PDIK1L: variants seen among roughly 807,000 people sequenced by gnomAD.
PDIK1L encodes the protein PDLIM1 interacting kinase 1 like, also known as serine/threonine-protein kinase PDIK1L.
A neutral mutation model predicts 27.1 loss-of-function variants in PDIK1L; 9 were observed. The ratio of observed to expected loss-of-function variants is 0.33; its 90% CI spans 0.20 to 0.58. The LOEUF is 0.58. Among genes scored for constraint, PDIK1L ranks in the 20% least tolerant of loss-of-function variants. The pLI is 0.86. For synonymous variants in PDIK1L, 130 were observed against 141.7 expected (o/e 0.92, Z 0.59); for missense variants, 216 against 413.2 (o/e 0.52, Z 4.14).
chr1:26,118,871 A>G lies in PDIK1L; in HGVS notation c.286-2966A>G, dbSNP rs572531425. On this transcript the variant is annotated intron_variant, in intron 2 of 2. Coordinates refer to ENST00000374269, the MANE Select transcript of PDIK1L (RefSeq NM_152835.5). ...TCCCTATGCATGGTATATTCTCCAT[A>G]CGGATTTTAATTTTTCTCCATGTTT... Among the ~76,000 whole-genome samples the G allele has an allele frequency of 5.3e-5, 8 of 152,344 alleles. No homozygotes were observed. In the South Asian group the frequency reaches 1.7e-3, roughly 32 times the overall value.
rs2088013865 is a variant in PDIK1L, at chr1:26,122,882, AAGT to A, written c.*307_*309del. ...TCCAGTTTTCTGGAAATATGTCTTT[AAGT>A]ATTTTAGACATTCCTCGTCAGTATT... On this transcript the variant is annotated 3_prime_UTR_variant, in exon 3 of 3. Coordinates refer to ENST00000374269, the MANE Select transcript of PDIK1L (RefSeq NM_152835.5). This position sits in a 1 kb window ranked among gnomAD's most constrained non-coding sequence, Gnocchi z 5.4. The A allele has an allele frequency of 1.4e-5, 3 of 216,496 alleles. No individual in the cohort carries two copies. Among genetic ancestry groups the A allele is most frequent in the Non-Finnish European group, 2.8e-5 (3 of 108,508 alleles). The allele number at this position is 216,496 out of a possible 1,614,324, so 13.4% of individuals were successfully genotyped here. A position where few individuals can be genotyped will look rare whatever the true frequency, so the allele number is the denominator to read the frequency against.
At chr1:26,113,498 TAAAAAA>T (rs67443362) in intron 1 of PDIK1L, among the ~76,000 whole-genome samples, 4 of 91,052 alleles carry the variant, frequency 4.4e-5, no homozygotes, top group Non-Finnish European at 6.4e-5. Context: ...AGACTCCGTC[TAAAAAA>T]AAAAAAAAAA....
chr1:26,121,958 C>G lies in PDIK1L; in HGVS notation c.407C>G (p.Pro136Arg). The G allele has an allele frequency of 6.2e-7, 1 of 1,613,624 alleles. No homozygotes were observed. Among genetic ancestry groups the G allele is most frequent in the Non-Finnish European group, 8.5e-7 (1 of 1,179,930 alleles). ...AATGAGTATCTGTTGTCCAGGAAAC[C>G]CAATCGTAAAACTAACACCAGCTTC... is the stretch of plus-strand genomic sequence containing the variant. ...DMNEYLLSRKPNRKTNTSFML... is the reference protein window; with the variant it reads ...DMNEYLLSRKRNRKTNTSFML... The change falls in exon 3 of 3, where the codon CCC becomes CGC. Residue 136 changes from proline (P) to arginine (R), a missense_variant. This residue lies in a region of PDIK1L where 169 missense variants were observed against 366.0 expected (regional missense o/e 0.46). Transcript: ENST00000374269.
At chr1:26,120,777 C>T (rs1008257348) in intron 2 of PDIK1L, among the ~76,000 whole-genome samples, 2 of 152,022 alleles carry the variant, frequency 1.3e-5, no homozygotes, top group Non-Finnish European at 2.9e-5. Context: ...CATGGTGAAA[C>T]CCCGTCTCTA....
chr1:26,113,893 T>C (rs1412030694), intron 1 of PDIK1L, among the ~76,000 whole-genome samples: 1 of 152,204 alleles, frequency 6.6e-6, no homozygotes, highest in African/African-American at 2.4e-5. Context: ...AGAGACAGCA[T>C]ACTGTAGTGC....
Position 26,122,740 on chromosome 1 carries a change from G to T in PDIK1L, c.*163G>T. Reference sequence around the variant, plus strand: ...CCTCATTTTTCTTAAATCCAAGTTGGCCGTTTTATTAGTATGTTTCAAATG... The same window carrying T: ...CCTCATTTTTCTTAAATCCAAGTTGTCCGTTTTATTAGTATGTTTCAAATG... On this transcript the variant is annotated 3_prime_UTR_variant, in exon 3 of 3. Transcript: ENST00000374269. This position sits in a 1 kb window ranked among gnomAD's most constrained non-coding sequence, Gnocchi z 5.4. 3 of 836,266 alleles carry T rather than the reference G, an allele frequency of 3.6e-6. No homozygotes were observed. The highest frequency in any genetic ancestry group is 7.8e-4 in the Middle Eastern group (2 of 2,570). 51.8% of individuals were successfully genotyped at this position (836,266 alleles called of 1,614,324 possible).
intron 2 of PDIK1L, among the ~76,000 whole-genome samples, chr1:26,119,515 GA>G (rs919182337): frequency 5.9e-5 from 9 of 151,980 alleles, no homozygotes; most frequent in African/African-American, 2.2e-4. Flanking sequence ...TTCCTAGGCA[GA>G]AAAAAACTGT....
intron 2 of PDIK1L, among the ~76,000 whole-genome samples, chr1:26,117,729 C>T (rs575458340): frequency 1.2e-4 from 18 of 149,458 alleles, no homozygotes; most frequent in African/African-American, 3.9e-4. Context: ...GGTGACAGAA[C>T]GAGACTCCAT....
rs1229365413 is a variant in PDIK1L at position 26,122,419 on chromosome 1, G to A, written c.868G>A (p.Glu290Lys). The A allele has an allele frequency of 3.7e-6, 6 of 1,613,970 alleles. No homozygotes were observed. The African/African-American group carries it at 6.7e-5, about 18-fold the overall frequency. Residue 290 changes from glutamate (E) to lysine (K), a missense_variant, in exon 3 of 3, where the codon GAA (glutamate) becomes AAA (lysine). By Grantham distance (56) the Glu-to-Lys change is moderately conservative. Coordinates refer to ENST00000374269, the MANE Select transcript of PDIK1L (RefSeq NM_152835.5). The surrounding 1 kb of genome is among the most constrained non-coding windows in gnomAD (Gnocchi z 5.4). ...GEALLENPKM[E>K]LLIPVKKKSM... is the part of the protein sequence containing the mutation. The stretch of plus-strand genomic sequence containing the variant: ...GGCACTTCTGGAAAATCCCAAAATG[G>A]AACTTCTCATTCCTGTGAAGAAAAA...
upstream of PDIK1L, among the ~76,000 whole-genome samples, chr1:26,111,578 C>T (rs1277250176): frequency 6.6e-6 from 1 of 151,344 alleles, no homozygotes; most frequent in Non-Finnish European, 1.5e-5. This position sits in a 1 kb window ranked among gnomAD's most constrained non-coding sequence, Gnocchi z 4.0. Flanking sequence ...CGTGGCCTCG[C>T]GGTTCCCGAG....
At chr1:26,118,450 A>G (rs2087918319) in intron 2 of PDIK1L, among the ~76,000 whole-genome samples, 1 of 152,246 alleles carries the variant, frequency 6.6e-6, no homozygotes. Flanking sequence ...AGTGATTTTT[A>G]TATCTAAAGC....
At position 26,114,740 on chromosome 1, in the gene PDIK1L, A is replaced by C; in HGVS notation, c.285+147A>C. The C allele has an allele frequency of 1.1e-6, 1 of 939,236 alleles. No individual in the cohort carries two copies. Among genetic ancestry groups the C allele is most frequent in the East Asian group, 2.6e-5 (1 of 37,896 alleles). The allele number at this position is 939,236 out of a possible 1,614,324, so 58.2% of individuals were successfully genotyped here. On this transcript the variant is annotated intron_variant, in intron 2 of 2. Coordinates refer to ENST00000374269, the MANE Select transcript of PDIK1L (RefSeq NM_152835.5). The surrounding 1 kb of genome is among the most constrained non-coding windows in gnomAD (Gnocchi z 4.8). ...TAAGTGTCTGCCAAGAATTGAGTAG[A>C]TGTTTGCTTTAAAACAAGGTTTTAT...
chr1:26,118,221 C>T (rs972905047), intron 2 of PDIK1L, among the ~76,000 whole-genome samples: 7 of 151,904 alleles, frequency 4.6e-5, no homozygotes, highest in Non-Finnish European at 7.4e-5. Context: ...CTCAGGAAGC[C>T]GAGGCAGGAG....
rs778229135 is a variant in PDIK1L at position 26,121,964 on chromosome 1, G to A, written c.413G>A (p.Arg138His). The A allele has an allele frequency of 6.2e-6, 10 of 1,613,866 alleles. No individual in the cohort carries two copies. The highest frequency in any genetic ancestry group is 1.3e-5 in the African/African-American group (1 of 74,852). Residue 138 changes from arginine to histidine, a missense_variant, in exon 3 of 3, where the codon CGT becomes CAT. This residue lies in a region of PDIK1L where 169 missense variants were observed against 366.0 expected (regional missense o/e 0.46). Transcript: ENST00000374269. ...NEYLLSRKPN[R>H]KTNTSFMLQL... ...TATCTGTTGTCCAGGAAACCCAATC[G>A]TAAAACTAACACCAGCTTCATGCTT... is the stretch of plus-strand genomic sequence containing the variant.
chr1:26,116,882 A>T (rs976214502), intron 2 of PDIK1L, among the ~76,000 whole-genome samples: 1 of 151,318 alleles, frequency 6.6e-6, no homozygotes, highest in African/African-American at 2.4e-5. Flanking sequence ...CGCCCGGCTA[A>T]TTTTTGTGTA....
chr1:26,117,871 C>A (rs2087906181), intron 2 of PDIK1L, among the ~76,000 whole-genome samples: 1 of 152,068 alleles, frequency 6.6e-6, no homozygotes, highest in Non-Finnish European at 1.5e-5. Flanking sequence ...CCAGCCTGGG[C>A]AACATGGCAA....
Position 26,124,667 on chromosome 1 carries a change from C to CT in PDIK1L, c.*2093dup. The CT allele has an allele frequency of 6.6e-6, 1 of 152,070 alleles. No homozygotes were observed. The highest frequency in any genetic ancestry group is 1.5e-5 in the Non-Finnish European group (1 of 67,982). The allele number at this position is 152,070 out of a possible 1,614,324, so 9.4% of individuals were successfully genotyped here. A position where few individuals can be genotyped will look rare whatever the true frequency, so the allele number is the denominator to read the frequency against. On this transcript the variant is annotated 3_prime_UTR_variant, in exon 3 of 3. Coordinates refer to ENST00000374269, the MANE Select transcript of PDIK1L (RefSeq NM_152835.5). ...AAGATTTTACCTGTGAAGTGAAATT[C>CT]TTTCATTGGGGGTAAGGGTATGAGG...
chr1:26,119,347 G>A lies in PDIK1L; in HGVS notation c.286-2490G>A, dbSNP rs535918446. ...CATTTGAGCCAGGGAGATTGAGGCT[G>A]CGGTGAGCCATGATGGTGCCACTGC... On this transcript the variant is annotated intron_variant, in intron 2 of 2. Coordinates refer to ENST00000374269, the MANE Select transcript of PDIK1L (RefSeq NM_152835.5). Among the ~76,000 whole-genome samples, 6 of 152,196 alleles carry A rather than the reference G, an allele frequency of 3.9e-5. No homozygotes were observed. The South Asian group carries it at 1.2e-3, about 32-fold the overall frequency.
chr1:26,121,451 AG>A (rs1557597613), intron 2 of PDIK1L, among the ~76,000 whole-genome samples: 1 of 152,188 alleles, frequency 6.6e-6, no homozygotes, highest in Non-Finnish European at 1.5e-5. Context: ...TTCCTAATTG[AG>A]GTTTATACCC....
Sources: gnomAD v4.1 joint callset for allele counts (sites outside exome capture counted in the v4.1 genomes callset) on GRCh38, gnomAD v4.1.1 for gene constraint, gnomAD v4.1.1 regional missense constraint, Gnocchi (gnomAD v3.1) non-coding constraint, MANE v1.5 for transcripts, NCBI Gene and HGNC (gene_info 2026-07-23, HGNC 2026-07-21) for gene names.